PIWIL1: variants seen among roughly 807,000 people sequenced by gnomAD.
PIWIL1 encodes piwi-like protein 1.
Under a neutral mutation model 114.4 loss-of-function variants are expected in PIWIL1, and 73 were observed. The observed-to-expected ratio is 0.64, with a 90% CI of 0.53 to 0.78. The LOEUF (loss-of-function observed/expected upper bound fraction) is 0.78, where lower values mean the gene tolerates loss of function less well. PIWIL1 is among the 30% of genes least tolerant of loss of function. The pLI, the probability that PIWIL1 is intolerant of heterozygous loss-of-function variation, is 0.00. For missense variants in PIWIL1, 723 were observed against 1,063.1 expected (o/e 0.68, Z 4.45); for synonymous variants, 375 against 369.0 (o/e 1.02, Z -0.19).
At chr12:130,376,292 A>G (rs1235433573), downstream of PIWIL1, among the ~76,000 whole-genome samples, 1 of 152,242 alleles carries the variant, frequency 6.6e-6, no homozygotes. Context: ...TAAAAATTAA[A>G]ACATCTAAAA....
chr12:130,349,461 A>G (rs2136142713), intron 8 of PIWIL1, 25 bp downstream of exon 8: 9 of 1,507,028 alleles, frequency 6.0e-6, no homozygotes, highest in South Asian at 3.4e-5. Context: ...TAAAGTGCAC[A>G]ATAATTTTTT....
Position 130,345,740 on chromosome 12 carries a change from A to T in PIWIL1, c.191-13A>T. ...GTGCTTTATGTTGCTCAAGTACACA[A>T]TTTTTTTTTAAGGACTCCAGATATC... On this transcript the variant is annotated splice_polypyrimidine_tract_variant and intron_variant, in intron 3 of 20. Transcript: ENST00000245255. 2 of 1,565,944 alleles carry T rather than the reference A, an allele frequency of 1.3e-6. No homozygotes were observed. The highest frequency in any genetic ancestry group is 1.4e-5 in the African/African-American group (1 of 73,608).
the PIWIL1 span, among the ~76,000 whole-genome samples, chr12:130,384,130 T>C: frequency 6.6e-6 from 1 of 152,240 alleles, no homozygotes; most frequent in African/African-American, 2.4e-5. Flanking sequence ...GTCTCTTTGG[T>C]GAACGTTATT....
At chr12:130,385,677 C>T in the PIWIL1 span, among the ~76,000 whole-genome samples, 3 of 152,106 alleles carry the variant, frequency 2.0e-5, no homozygotes, top group Admixed American at 1.3e-4. Context: ...TTCAGCTTTC[C>T]GGATCAGTTT....
At chr12:130,412,812 C>A in the PIWIL1 span, 1 of 1,598,920 alleles carries the variant, frequency 6.3e-7, no homozygotes, top group South Asian at 1.1e-5. Context: ...GAAAATAAAT[C>A]AAGCACTGTA....
At chr12:130,355,147 G>A (rs985234400) in intron 11 of PIWIL1, 142 bp downstream of exon 11, 8 of 684,142 alleles carry the variant, frequency 1.2e-5, no homozygotes, top group South Asian at 3.5e-5. Flanking sequence ...CTTGTTCTTC[G>A]TGTTTCTAAG....
chr12:130,401,938 G>A, the PIWIL1 span, among the ~76,000 whole-genome samples: 19 of 152,142 alleles, frequency 1.2e-4, no homozygotes, highest in Non-Finnish European at 2.5e-4. Flanking sequence ...CACAAGAGGC[G>A]TGTGTACCCC....
Position 130,349,351 on chromosome 12 carries a change from A to G in PIWIL1, c.847A>G (p.Met283Val). Reference protein sequence around the residue: ...VLRSETVLDFMFNFYHQTEEH... With the variant: ...VLRSETVLDFVFNFYHQTEEH... Reference sequence around the variant, plus strand: ...TCGAAGTGAGACTGTTTTGGATTTCATGTTCAACTTTTATCATCAGACAGA... The same window carrying G: ...TCGAAGTGAGACTGTTTTGGATTTCGTGTTCAACTTTTATCATCAGACAGA... The change falls in exon 8 of 21, where the codon ATG (methionine) becomes GTG (valine). Residue 283 changes from methionine to valine, a missense_variant. Met to Val is a conservative substitution (Grantham distance 21, BLOSUM62 1). Coordinates refer to ENST00000245255, the MANE Select transcript of PIWIL1 (RefSeq NM_004764.5). The G allele has an allele frequency of 1.2e-6, 2 of 1,613,778 alleles. No homozygotes were observed. The highest frequency in any genetic ancestry group is 1.7e-6 in the Non-Finnish European group (2 of 1,179,686).
the PIWIL1 span, among the ~76,000 whole-genome samples, chr12:130,393,618 G>A: frequency 2.0e-5 from 3 of 151,900 alleles, no homozygotes; most frequent in Non-Finnish European, 2.9e-5. Context: ...GTTGAATCCT[G>A]TGATGAATAG....
At chr12:130,383,499 C>T in the PIWIL1 span, 1 of 152,152 alleles carries the variant, frequency 6.6e-6, no homozygotes, top group African/African-American at 2.4e-5. Flanking sequence ...CTCTGACTTC[C>T]CTCTAATATA....
the PIWIL1 span, among the ~76,000 whole-genome samples, chr12:130,418,921 C>T: frequency 4.6e-5 from 7 of 152,180 alleles, no homozygotes; most frequent in African/African-American, 1.7e-4. Flanking sequence ...AGTCCCCCAA[C>T]GAAGGCTCCT....
the PIWIL1 span, among the ~76,000 whole-genome samples, chr12:130,421,517 A>G: frequency 6.6e-6 from 1 of 152,220 alleles, no homozygotes; most frequent in Non-Finnish European, 1.5e-5. Context: ...TTCATTTTGA[A>G]TTGATGGAAA....
At chr12:130,361,978 C>T (rs1331237328) in intron 16 of PIWIL1, among the ~76,000 whole-genome samples, 1 of 152,146 alleles carries the variant, frequency 6.6e-6, no homozygotes, top group East Asian at 1.9e-4. Context: ...TTTTTCAGTG[C>T]TTTTCTTGGA....
chr12:130,363,161 T>C lies in PIWIL1; in HGVS notation c.2195+17T>C, dbSNP rs772264255. The C allele has an allele frequency of 3.7e-6, 6 of 1,610,468 alleles. No individual in the cohort carries two copies. In the Admixed American group the frequency reaches 5.0e-5, roughly 13 times the overall value. ...AGGTTACAAGTAAGCATGCAAATTG[T>C]AAAGCATTTTCTTTTTATAAAACTG... On this transcript the variant is annotated intron_variant, in intron 18 of 20. Transcript: ENST00000245255.
downstream of PIWIL1, among the ~76,000 whole-genome samples, chr12:130,376,934 T>C (rs1442956800): frequency 6.6e-6 from 1 of 152,206 alleles, no homozygotes. Flanking sequence ...TTAGGGCCTC[T>C]GCCTGGTTTC....
downstream of PIWIL1, among the ~76,000 whole-genome samples, chr12:130,373,752 G>C (rs985755760): frequency 1.3e-5 from 2 of 152,120 alleles, no homozygotes; most frequent in African/African-American, 4.8e-5. Flanking sequence ...ACATCGTCTT[G>C]GTTATGCCTC....
At chr12:130,396,899 T>C in the PIWIL1 span, 2 of 152,578 alleles carry the variant, frequency 1.3e-5, no homozygotes, top group African/African-American at 4.8e-5. Context: ...GTACAAATCA[T>C]TGTGCATTTA....
the PIWIL1 span, among the ~76,000 whole-genome samples, chr12:130,388,810 T>G: frequency 6.6e-6 from 1 of 152,190 alleles, no homozygotes; most frequent in Non-Finnish European, 1.5e-5. Context: ...ACACTTTTAT[T>G]TCTAATGATT....
the PIWIL1 span, among the ~76,000 whole-genome samples, chr12:130,395,775 T>C: frequency 1.3e-5 from 2 of 152,166 alleles, no homozygotes; most frequent in African/African-American, 4.8e-5. Context: ...TTTAGGAAAA[T>C]TGTATGTATT....
Sources: gnomAD v4.1 joint callset for allele counts (sites outside exome capture counted in the v4.1 genomes callset) on GRCh38, gnomAD v4.1.1 for gene constraint, MANE v1.5 for transcripts, NCBI Gene and HGNC (gene_info 2026-07-23, HGNC 2026-07-21) for gene names.